The following CSGALNACT1 variants were observed in gnomAD, a reference collection of about 807,000 sequenced individuals.
CSGALNACT1 encodes the protein beta4GalNAcT-1.
CSGALNACT1 carries 52 observed loss-of-function variants against 51.0 expected under a neutral mutation model. The ratio of observed to expected loss-of-function variants is 1.02; its 90% confidence interval spans 0.82 to 1.29. The LOEUF is 1.29. Ranked by LOEUF, CSGALNACT1 falls within the 50% of genes most tolerant of loss-of-function variation. CSGALNACT1 has a pLI of 0.00. For missense variants in CSGALNACT1, 935 were observed against 679.2 expected (o/e 1.38, Z -4.19); for synonymous variants, 341 against 254.4 (o/e 1.34, Z -3.24).
At chr8:19,575,021 G>A (rs554457988) in intron 3 of CSGALNACT1, among the ~76,000 whole-genome samples, 139 of 151,028 alleles carry the variant, frequency 9.2e-4, no homozygotes, top group Non-Finnish European at 1.5e-3. Context: ...ACAACAGAGC[G>A]AGACTCCGTC....
intron 3 of CSGALNACT1, among the ~76,000 whole-genome samples, chr8:19,570,675 G>A (rs2042833790): frequency 6.6e-6 from 1 of 152,186 alleles, no homozygotes; most frequent in South Asian, 2.1e-4. Context: ...GCCGAAGTGG[G>A]CAGATCACGA....
At chr8:19,580,418 C>T (rs2045308946) in intron 3 of CSGALNACT1, among the ~76,000 whole-genome samples, 1 of 152,200 alleles carries the variant, frequency 6.6e-6, no homozygotes, top group Admixed American at 6.5e-5. Context: ...CTGGTAAATA[C>T]TTCAGGCTTT....
At chr8:19,485,612 CA>C (rs1427768883) in intron 4 of CSGALNACT1, among the ~76,000 whole-genome samples, 4 of 152,180 alleles carry the variant, frequency 2.6e-5, no homozygotes, top group African/African-American at 9.6e-5. Flanking sequence ...AGGTACAGAA[CA>C]AAGACAAGAT....
intron 1 of CSGALNACT1, among the ~76,000 whole-genome samples, chr8:19,666,957 A>G (rs1215812128): frequency 3.2e-4 from 4 of 12,416 alleles, no homozygotes; most frequent in African/African-American, 1.3e-3. Context: ...GAAAGAAAGA[A>G]AGAAAGAAAG....
chr8:19,751,837 G>T (rs1054150623), intron 1 of CSGALNACT1, among the ~76,000 whole-genome samples: 4 of 152,030 alleles, frequency 2.6e-5, no homozygotes, highest in African/African-American at 4.8e-5. Flanking sequence ...TGCCATGATT[G>T]TAAGTTTCCT....
intron 1 of CSGALNACT1, among the ~76,000 whole-genome samples, chr8:19,628,098 T>A (rs1046426454): frequency 5.9e-5 from 9 of 152,216 alleles, no homozygotes; most frequent in African/African-American, 1.9e-4. Context: ...CTGAGAACTT[T>A]ACATACATCA....
At chr8:19,488,265 G>A (rs562010302) in intron 4 of CSGALNACT1, among the ~76,000 whole-genome samples, 3 of 151,376 alleles carry the variant, frequency 2.0e-5, no homozygotes, top group East Asian at 3.9e-4. Flanking sequence ...CAGGAGAATC[G>A]CTTGAATCTG....
At chr8:19,535,664 G>T (rs922848023) in intron 3 of CSGALNACT1, among the ~76,000 whole-genome samples, 8 of 152,090 alleles carry the variant, frequency 5.3e-5, no homozygotes, top group African/African-American at 1.7e-4. Context: ...GTAAGATGAT[G>T]AATTGAACCC....
intron 3 of CSGALNACT1, among the ~76,000 whole-genome samples, chr8:19,533,912 A>T (rs2083264382): frequency 6.6e-6 from 1 of 152,132 alleles, no homozygotes; most frequent in African/African-American, 2.4e-5. Flanking sequence ...GGGGAAGAAA[A>T]AGAGAATCTT....
At chr8:19,656,838 C>T (rs935357587) in intron 1 of CSGALNACT1, among the ~76,000 whole-genome samples, 3 of 151,972 alleles carry the variant, frequency 2.0e-5, no homozygotes, top group African/African-American at 4.8e-5. Context: ...GAGGCCAAGG[C>T]GCGTGGATCA....
At chr8:19,438,168 G>T (rs1342845793) in intron 6 of CSGALNACT1, among the ~76,000 whole-genome samples, 2 of 134,320 alleles carry the variant, frequency 1.5e-5, no homozygotes, top group East Asian at 5.4e-4. Flanking sequence ...CTGGGGAGCT[G>T]CTTAAAATCT....
At chr8:19,658,319 C>G (rs1013096275) in intron 1 of CSGALNACT1, among the ~76,000 whole-genome samples, 2 of 152,148 alleles carry the variant, frequency 1.3e-5, no homozygotes, top group Non-Finnish European at 2.9e-5. Context: ...TGAGAAAATA[C>G]ATCTGTTATG....
At chr8:19,543,612 C>T (rs1245494392) in intron 3 of CSGALNACT1, among the ~76,000 whole-genome samples, 1 of 152,140 alleles carries the variant, frequency 6.6e-6, no homozygotes, top group Admixed American at 6.5e-5. Flanking sequence ...GTTCCACAGG[C>T]AGAAACTGCA....
intron 1 of CSGALNACT1, among the ~76,000 whole-genome samples, chr8:19,703,378 A>G (rs1470890444): frequency 2.0e-5 from 3 of 152,244 alleles, no homozygotes; most frequent in East Asian, 1.9e-4. Flanking sequence ...ATCTCAGCTC[A>G]CTGCAAGCTC....
chr8:19,591,293 AC>A (rs2047766061), intron 2 of CSGALNACT1: 1 of 152,200 alleles, frequency 6.6e-6, no homozygotes, highest in Non-Finnish European at 1.5e-5. Context: ...AGGTTCAAGG[AC>A]AGAAGGGAAG....
chr8:19,628,767 A>G (rs1488792325), intron 1 of CSGALNACT1, among the ~76,000 whole-genome samples: 1 of 151,990 alleles, frequency 6.6e-6, no homozygotes, highest in Non-Finnish European at 1.5e-5. Context: ...ATGCATGACC[A>G]CTGTACCGAA....
At chr8:19,444,653 A>T (rs2061830754) in intron 5 of CSGALNACT1, among the ~76,000 whole-genome samples, 1 of 152,230 alleles carries the variant, frequency 6.6e-6, no homozygotes, top group Admixed American at 6.5e-5. Context: ...AGTTTGTTCA[A>T]TGCTTTTAAT....
intron 1 of CSGALNACT1, chr8:19,682,439 C>A (rs2060688597): frequency 3.3e-6 from 1 of 298,950 alleles, no homozygotes; most frequent in Non-Finnish European, 6.5e-6. Flanking sequence ...GCAAATTTCA[C>A]ACCCAATAAA....
At chr8:19,518,891 A>C (rs183056392) in intron 3 of CSGALNACT1, among the ~76,000 whole-genome samples, 1 of 152,322 alleles carries the variant, frequency 6.6e-6, no homozygotes, top group East Asian at 1.9e-4. Flanking sequence ...CCATTAGCGA[A>C]ACAGGCTCAA....
Sources: allele counts gnomAD v4.1 joint callset (sites outside exome capture counted in the v4.1 genomes callset), GRCh38; gene constraint gnomAD v4.1.1; transcripts MANE v1.5; gene names NCBI Gene and HGNC (gene_info 2026-07-23, HGNC 2026-07-21).